Variants in ADARB2 observed in about 807,000 individuals in gnomAD.
ADARB2 encodes inactive double-stranded RNA-specific editase B2.
Under a neutral mutation model 62.2 loss-of-function variants are expected in ADARB2, and 25 were observed. The observed-to-expected ratio is 0.40, with a 90% CI of 0.29 to 0.56. The LOEUF (loss-of-function observed/expected upper bound fraction) is 0.56, where lower values mean the gene tolerates loss of function less well. Among genes scored for constraint, ADARB2 ranks in the 20% least tolerant of loss-of-function variants. The pLI is 0.43. For missense variants in ADARB2, 1,071 were observed against 1,077.4 expected (o/e 0.99, Z 0.08); for synonymous variants, 572 against 500.8 (o/e 1.14, Z -1.90).
At chr10:1,249,003 T>G (rs966264518) in intron 4 of ADARB2, among the ~76,000 whole-genome samples, 3 of 152,190 alleles carry the variant, frequency 2.0e-5, no homozygotes, top group African/African-American at 4.8e-5. Context: ...ATCATTGCCA[T>G]ACTGACGTAG....
intron 1 of ADARB2, among the ~76,000 whole-genome samples, chr10:1,527,591 G>A (rs1213571899): frequency 2.0e-5 from 3 of 152,202 alleles, no homozygotes; most frequent in Non-Finnish European, 4.4e-5. Context: ...TGATTAGAAA[G>A]ACTTGCTGTA....
intron 1 of ADARB2, among the ~76,000 whole-genome samples, chr10:1,520,628 A>C (rs1230520099): frequency 2.6e-5 from 4 of 152,226 alleles, no homozygotes; most frequent in African/African-American, 4.8e-5. Context: ...TTTCAATACA[A>C]AGTGGCAAGA....
At chr10:1,543,998 C>CAAAAAAAAAAAAAA (rs779186191) in intron 1 of ADARB2, among the ~76,000 whole-genome samples, 1 of 81,978 alleles carries the variant, frequency 1.2e-5, no homozygotes, top group African/African-American at 4.0e-5. Context: ...GGCAGGTGAC[C>CAAAAAAAAAAAAAA]AAAAAAAAAA....
chr10:1,606,452 A>G (rs1833495398), intron 1 of ADARB2, among the ~76,000 whole-genome samples: 1 of 152,136 alleles, frequency 6.6e-6, no homozygotes. Context: ...GGGACGTGGG[A>G]AAGGTTTAGG....
chr10:1,389,410 T>C (rs1324439011), intron 1 of ADARB2, among the ~76,000 whole-genome samples: 1 of 152,158 alleles, frequency 6.6e-6, no homozygotes, highest in African/African-American at 2.4e-5. Context: ...ATCCAGAATA[T>C]AAAAACTCTT....
intron 1 of ADARB2, among the ~76,000 whole-genome samples, chr10:1,510,966 C>T (rs1831928958): frequency 6.6e-6 from 1 of 152,218 alleles, no homozygotes; most frequent in Admixed American, 6.5e-5. Flanking sequence ...GATCCTACCA[C>T]CTCAGCCTCC....
Position 1,659,048 on chromosome 10 carries a change from C to A in ADARB2, c.100+78003G>T, listed in dbSNP as rs532261618. Among the ~76,000 whole-genome samples, 15 of 152,272 alleles carry A rather than the reference C, an allele frequency of 9.9e-5. No individual in the cohort carries two copies. The East Asian group carries it at 2.9e-3, about 29-fold the overall frequency. ...ATGACATGTCAAATTAGCAGCTTTG[C>A]AAATCTCCTGTTAATTGTCAGCCTA... On this transcript the variant is annotated intron_variant, in intron 1 of 9. Transcript: ENST00000381312.
chr10:1,248,495 C>T (rs1831007487), intron 4 of ADARB2, among the ~76,000 whole-genome samples: 1 of 152,244 alleles, frequency 6.6e-6, no homozygotes, highest in Non-Finnish European at 1.5e-5. Context: ...TGGACGTTCC[C>T]AGGCGTGTAG....
intron 1 of ADARB2, among the ~76,000 whole-genome samples, chr10:1,627,027 C>T (rs995964175): frequency 5.3e-5 from 8 of 152,038 alleles, no homozygotes; most frequent in African/African-American, 1.9e-4. Flanking sequence ...GGCCCCGGCG[C>T]ACCCGCTAGC....
intron 1 of ADARB2, among the ~76,000 whole-genome samples, chr10:1,504,315 A>G (rs910083076): frequency 6.6e-6 from 1 of 152,164 alleles, no homozygotes; most frequent in Non-Finnish European, 1.5e-5. Flanking sequence ...AGCCAGTCCT[A>G]CTGTTTTCTC....
At chr10:1,186,577 C>G (rs760940175) in intron 8 of ADARB2, 10 of 518,868 alleles carry the variant, frequency 1.9e-5, no homozygotes, top group Non-Finnish European at 3.8e-5. Flanking sequence ...AGCTCTGCCT[C>G]TCCAGCCCTT....
At chr10:1,690,421 T>C (rs907737042) in intron 1 of ADARB2, among the ~76,000 whole-genome samples, 15 of 152,182 alleles carry the variant, frequency 9.9e-5, no homozygotes, top group African/African-American at 3.6e-4. Flanking sequence ...ATAAAAACTC[T>C]GCATTTGGTC....
At chr10:1,728,600 C>T (rs774347471) in intron 1 of ADARB2, among the ~76,000 whole-genome samples, 4 of 152,110 alleles carry the variant, frequency 2.6e-5, no homozygotes, top group Non-Finnish European at 2.9e-5. Context: ...TACAAGAGCC[C>T]CTGTCATGAT....
At chr10:1,260,424 T>G (rs1481273943) in intron 4 of ADARB2, among the ~76,000 whole-genome samples, 1 of 151,290 alleles carries the variant, frequency 6.6e-6, no homozygotes, top group Non-Finnish European at 1.5e-5. Flanking sequence ...GCCCAAAATC[T>G]CCTTAAGCTG....
chr10:1,581,433 G>A (rs1308746065), intron 1 of ADARB2, among the ~76,000 whole-genome samples: 1 of 152,220 alleles, frequency 6.6e-6, no homozygotes, highest in Admixed American at 6.5e-5. Context: ...CACTCCCAGA[G>A]CAGGAGGCGC....
At chr10:1,323,583 T>C (rs1831814988) in intron 3 of ADARB2, among the ~76,000 whole-genome samples, 1 of 152,206 alleles carries the variant, frequency 6.6e-6, no homozygotes, top group African/African-American at 2.4e-5. Flanking sequence ...GTTTACTCTA[T>C]AGCTATAGTA....
chr10:1,626,261 ATG>A lies in ADARB2; in HGVS notation c.100+110788_100+110789del, dbSNP rs1564350930. Reference sequence around the variant, plus strand: ...TCAGACGCTAACCCCACATCTGCCCATGCTCTCTCCTGCATGGACACAGGCCT... The same window carrying A: ...TCAGACGCTAACCCCACATCTGCCCACTCTCTCCTGCATGGACACAGGCCT... On this transcript the variant is annotated intron_variant, in intron 1 of 9. Transcript: ENST00000381312. 2.6e-4 allele frequency among the ~76,000 whole-genome samples: 32 copies of A among 123,950 alleles called. 1 individual carries two copies. The highest frequency in any genetic ancestry group is 8.3e-4 in the African/African-American group (27 of 32,470). 81.3% of individuals were successfully genotyped at this position (123,950 alleles called of 152,430 possible).
rs11813060 is a variant in ADARB2 at position 1,668,573 on chromosome 10, G to C, written c.100+68478C>G. The stretch of plus-strand genomic sequence containing the variant: ...GGCTCACTGGAGGTCAGGAAAAGTG[G>C]TGTGAATCACCCACGTTCAGGTCAA... On this transcript the variant is annotated intron_variant, in intron 1 of 9. Transcript: ENST00000381312. Among the ~76,000 whole-genome samples the C allele has an allele frequency of 5.3e-3, 805 of 152,280 alleles. 7 individuals are homozygous for C. The highest frequency in any genetic ancestry group is 0.019 in the African/African-American group (782 of 41,572).
intron 1 of ADARB2, among the ~76,000 whole-genome samples, chr10:1,646,559 A>C (rs1016397581): frequency 1.3e-5 from 2 of 152,232 alleles, no homozygotes; most frequent in African/African-American, 4.8e-5. Flanking sequence ...CACTGCTGCC[A>C]ATGCAGTCAC....
Sources: allele counts gnomAD v4.1 joint callset (sites outside exome capture counted in the v4.1 genomes callset), GRCh38; gene constraint gnomAD v4.1.1; transcripts MANE v1.5; gene names NCBI Gene and HGNC (gene_info 2026-07-23, HGNC 2026-07-21).